The following TENT5D variants were observed in gnomAD, a reference collection of about 807,000 sequenced individuals.
TENT5D encodes the protein cancer/testis antigen 112.
For synonymous variants in TENT5D, 103 were observed against 100.6 expected (o/e 1.02, Z -0.15); for missense variants, 191 against 287.0 (o/e 0.67, Z 2.42).
At chrX:80,421,851 C>T (rs1343035419) in intron 1 of TENT5D, among the ~76,000 whole-genome samples, 1 of 110,645 alleles carries the variant, frequency 9.0e-6, no homozygotes, top group Non-Finnish European at 1.9e-5. Context: ...CGTCTTTCAG[C>T]AAAACTGCCT....
intron 3 of TENT5D, among the ~76,000 whole-genome samples, chrX:80,350,360 G>A (rs762642804): frequency 9.0e-6 from 1 of 111,569 alleles, no homozygotes; most frequent in Non-Finnish European, 1.9e-5. Context: ...ATTTAGGTTA[G>A]TTAGCTTTTC....
chrX:80,352,720 CAAAAAAAAA>C (rs1189877322), intron 3 of TENT5D, among the ~76,000 whole-genome samples: 53 of 19,911 alleles, frequency 2.7e-3, no homozygotes, highest in African/African-American at 8.1e-3. Flanking sequence ...AGCAAACAAA[CAAAAAAAAA>C]AAAAAAAAAA....
At position 80,394,567 on chromosome X, in the gene TENT5D, T is replaced by A. The variant is rs938021723; in HGVS notation, c.-141-44043T>A. 2.5e-4 allele frequency among the ~76,000 whole-genome samples: 27 copies of A among 108,666 alleles called. 3 individuals carry two copies. Among genetic ancestry groups the A allele is most frequent in the Admixed American group, 2.1e-3 (21 of 10,104 alleles). The allele number at this position is 108,666 out of a possible 115,157, so 94.4% of individuals were successfully genotyped here. ...CCACCACGCCCAGCTAATTTTGTAA[T>A]TTTTTTAGTAGAGAAGGGGTTTCTC... On this transcript the variant is annotated intron_variant, in intron 3 of 4. Transcript: ENST00000538312.
intron 3 of TENT5D, among the ~76,000 whole-genome samples, chrX:80,390,196 GA>G (rs1363972813): frequency 9.0e-6 from 1 of 111,527 alleles, no homozygotes; most frequent in East Asian, 2.8e-4. Context: ...ATTGAAGTAG[GA>G]AACAAAGTGC....
At chrX:80,421,334 C>T (rs1252847680) in intron 1 of TENT5D, among the ~76,000 whole-genome samples, 1 of 111,185 alleles carries the variant, frequency 9.0e-6, no homozygotes, top group East Asian at 2.8e-4. Flanking sequence ...TACAGGCATG[C>T]ACCACCACAC....
chrX:80,338,547 C>T (rs1190951863), intron 2 of TENT5D, among the ~76,000 whole-genome samples: 4 of 111,778 alleles, frequency 3.6e-5, no homozygotes, highest in Non-Finnish European at 7.5e-5. Context: ...GTTTTGAACC[C>T]AGTGTATTAC....
chrX:80,355,756 G>T (rs943698229), intron 3 of TENT5D, among the ~76,000 whole-genome samples: 1 of 111,769 alleles, frequency 8.9e-6, no homozygotes, highest in Non-Finnish European at 1.9e-5. Flanking sequence ...TTCAGCCTGG[G>T]GTCTGCAACC....
intron 3 of TENT5D, among the ~76,000 whole-genome samples, chrX:80,356,104 T>A (rs1265794926): frequency 8.9e-6 from 1 of 112,221 alleles, no homozygotes; most frequent in Non-Finnish European, 1.9e-5. Context: ...ATTAGAGCTA[T>A]TCCTTTTATT....
At chrX:80,370,547 A>C (rs1392641406) in intron 3 of TENT5D, among the ~76,000 whole-genome samples, 1 of 112,167 alleles carries the variant, frequency 8.9e-6, no homozygotes, top group East Asian at 2.8e-4. Context: ...TACAGTTTTA[A>C]CATCTTGAAT....
chrX:80,383,155 G>T (rs1930911569), intron 3 of TENT5D, among the ~76,000 whole-genome samples: 2 of 112,311 alleles, frequency 1.8e-5, no homozygotes, highest in South Asian at 3.7e-4. Context: ...TTTTAAATTT[G>T]CTTTAAAACT....
chrX:80,387,347 C>A (rs1346569252), intron 3 of TENT5D, among the ~76,000 whole-genome samples: 1 of 111,723 alleles, frequency 9.0e-6, no homozygotes, highest in Non-Finnish European at 1.9e-5. Flanking sequence ...TAGTCTTCAT[C>A]GTGTGGGCTC....
chrX:80,434,188 A>G (rs1336643715), intron 1 of TENT5D, among the ~76,000 whole-genome samples: 2 of 104,371 alleles, frequency 1.9e-5, no homozygotes, highest in Non-Finnish European at 1.9e-5. Context: ...ATAGTATTTT[A>G]AAAGAGATGA....
intron 3 of TENT5D, among the ~76,000 whole-genome samples, chrX:80,359,042 CAT>C (rs1264109978): frequency 1.8e-5 from 2 of 112,038 alleles, no homozygotes; most frequent in South Asian, 3.7e-4. Context: ...TGCCAACAAA[CAT>C]ATGAAAAAAA....
At chrX:80,339,118 T>A (rs1929908145) in intron 2 of TENT5D, among the ~76,000 whole-genome samples, 1 of 110,608 alleles carries the variant, frequency 9.0e-6, no homozygotes, top group African/African-American at 3.3e-5. Context: ...AAACAGAAGC[T>A]CAGAGAGATT....
intron 3 of TENT5D, among the ~76,000 whole-genome samples, chrX:80,356,103 A>T (rs1233850485): frequency 8.9e-6 from 1 of 112,118 alleles, no homozygotes; most frequent in Non-Finnish European, 1.9e-5. Context: ...TATTAGAGCT[A>T]TTCCTTTTAT....
chrX:80,405,559 G>A (rs1397348163), intron 3 of TENT5D, among the ~76,000 whole-genome samples: 2 of 112,277 alleles, frequency 1.8e-5, no homozygotes, highest in Non-Finnish European at 3.8e-5. Context: ...CTTAAAAAAC[G>A]GCGCACCACG....
At chrX:80,373,880 T>C (rs1331933001) in intron 3 of TENT5D, among the ~76,000 whole-genome samples, 2 of 111,570 alleles carry the variant, frequency 1.8e-5, no homozygotes, top group Non-Finnish European at 3.8e-5. Flanking sequence ...TGCAGGTTTG[T>C]TATGTAGGTA....
chrX:80,426,386 C>A, intron 1 of TENT5D, among the ~76,000 whole-genome samples: 1 of 111,666 alleles, frequency 9.0e-6, no homozygotes, highest in East Asian at 2.8e-4. Flanking sequence ...CCAAATTTTA[C>A]CCTTGCATTA....
intron 3 of TENT5D, among the ~76,000 whole-genome samples, chrX:80,403,374 C>A (rs760405517): frequency 1.8e-5 from 2 of 111,855 alleles, no homozygotes; most frequent in African/African-American, 3.2e-5. Context: ...ATTATTTTCC[C>A]TTCTTAAACC....
Sources: allele counts gnomAD v4.1 joint callset (sites outside exome capture counted in the v4.1 genomes callset), GRCh38; gene constraint gnomAD v4.1.1; transcripts MANE v1.5; gene names NCBI Gene and HGNC (gene_info 2026-07-23, HGNC 2026-07-21).